LACTB2: variants seen among roughly 807,000 people sequenced by gnomAD.
LACTB2 encodes endoribonuclease LACTB2.
Under a neutral mutation model 34.8 loss-of-function variants are expected in LACTB2, and 32 were observed. That is an observed-to-expected ratio of 0.92 (90% confidence interval 0.69 to 1.24). The LOEUF (loss-of-function observed/expected upper bound fraction) is 1.24, where lower values mean the gene tolerates loss of function less well. LACTB2 is among the 50% of genes most tolerant of loss of function. The pLI is 0.00. For synonymous variants in LACTB2, 120 were observed against 117.5 expected, an observed-to-expected ratio of 1.02 and a Z score of -0.14; for missense variants, 320 against 345.0, an observed-to-expected ratio of 0.93 and a Z score of 0.57.
intron 2 of LACTB2, chr8:70,660,351 T>A (rs984446519): frequency 1.6e-5 from 5 of 304,586 alleles, no homozygotes; most frequent in Non-Finnish European, 3.2e-5. Flanking sequence ...AAAGTCAGAC[T>A]GACAGATTAT....
intron 3 of LACTB2, chr8:70,646,180 C>G (rs371283207): frequency 6.6e-6 from 1 of 152,108 alleles, no homozygotes; most frequent in African/African-American, 2.4e-5. Flanking sequence ...TTTTAATGAT[C>G]GCCATTCTAA....
intron 6 of LACTB2, 92 bp downstream of exon 6, chr8:70,638,456 T>C: frequency 1.5e-6 from 2 of 1,323,468 alleles, no homozygotes; most frequent in Non-Finnish European, 2.0e-6. Flanking sequence ...GGGAGAACTC[T>C]GATGGGTATT....
chr8:70,656,448 C>A (rs1371672367), intron 3 of LACTB2, among the ~76,000 whole-genome samples: 1 of 152,116 alleles, frequency 6.6e-6, no homozygotes, highest in Admixed American at 6.5e-5. Context: ...TGTCCTTTCC[C>A]CACTTTATGG....
At chr8:70,640,837 A>T in intron 5 of LACTB2, 65 bp downstream of exon 5, 1 of 1,399,172 alleles carries the variant, frequency 7.1e-7, no homozygotes, top group East Asian at 2.7e-5. Flanking sequence ...TCATTTCTAT[A>T]GTCTACTAAA....
chr8:70,644,674 C>T (rs1218232157), intron 3 of LACTB2, among the ~76,000 whole-genome samples: 1 of 151,928 alleles, frequency 6.6e-6, no homozygotes, highest in Admixed American at 6.6e-5. Context: ...GAGACAGGAT[C>T]TCACAATATT....
chr8:70,661,038 C>G (rs778215595), intron 2 of LACTB2: 9 of 452,180 alleles, frequency 2.0e-5, no homozygotes, highest in Non-Finnish European at 3.1e-5. Flanking sequence ...CCTTGACCTC[C>G]CAAAGTGCTG....
chr8:70,648,135 G>C (rs55772628), intron 3 of LACTB2, among the ~76,000 whole-genome samples: 1,528 of 152,232 alleles, frequency 0.01, 24 homozygotes, highest in African/African-American at 0.035. Flanking sequence ...CCCAACTGAA[G>C]AGCTCATCCA....
chr8:70,661,734 C>A lies in LACTB2; in HGVS notation c.286G>T (p.Asp96Tyr). The part of the protein sequence containing the change: ...IGDICKSINN[D>Y]TTYCIKKLPR... ...AGCTTAATGAATGTTTTCTGTTTAC[C>A]ATTATTGATGCTTTTACAAATATCT... Residue 96 changes from aspartate (D) to tyrosine (Y), a missense_variant and splice_region_variant, in exon 2 of 7, where the codon GAC becomes TAC. Coordinates refer to ENST00000276590, the MANE Select transcript of LACTB2 (RefSeq NM_016027.3). 1.2e-6 allele frequency: 2 copies of A among 1,604,314 alleles called. No individual in the cohort carries two copies. Among genetic ancestry groups the A allele is most frequent in the South Asian group, 2.3e-5 (2 of 88,816 alleles).
At chr8:70,647,245 CTATA>C (rs1345869149) in intron 3 of LACTB2, among the ~76,000 whole-genome samples, 3 of 151,406 alleles carry the variant, frequency 2.0e-5, no homozygotes, top group Non-Finnish European at 4.4e-5. Flanking sequence ...CTCTATCTAT[CTATA>C]TATATAATTT....
rs9693633 is a variant in LACTB2 at position 70,638,670 on chromosome 8, A to T, written c.742-41T>A. 2.8e-3 allele frequency: 2,541 copies of T among 912,818 alleles called. 9 individuals are homozygous for T. The highest frequency in any genetic ancestry group is 0.01 in the East Asian group (282 of 27,060). 56.5% of individuals were successfully genotyped at this position (912,818 alleles called of 1,614,324 possible). A position where few individuals can be genotyped will look rare whatever the true frequency, so the allele number is the denominator to read the frequency against. ...AGGTGAAAAAAATTCCTTTTTTTTT[A>T]AAAAAAAGAACACAGTTAATTTTTT... is the stretch of plus-strand genomic sequence containing the variant. On this transcript the variant is annotated intron_variant, in intron 5 of 6. Coordinates refer to ENST00000276590, the MANE Select transcript of LACTB2 (RefSeq NM_016027.3).
At chr8:70,644,565 G>A (rs1296129835) in intron 3 of LACTB2, among the ~76,000 whole-genome samples, 2 of 152,022 alleles carry the variant, frequency 1.3e-5, no homozygotes, top group African/African-American at 4.8e-5. Flanking sequence ...TCAATCTTCT[G>A]GGCCCAAGTG....
At chr8:70,644,611 A>C (rs528135761) in intron 3 of LACTB2, among the ~76,000 whole-genome samples, 15 of 152,280 alleles carry the variant, frequency 9.9e-5, no homozygotes, top group African/African-American at 3.6e-4. Context: ...AGCTGGAACC[A>C]CAGGTGTGGG....
intron 4 of LACTB2, among the ~76,000 whole-genome samples, chr8:70,642,299 ATAAATC>A (rs1055838749): frequency 1.3e-5 from 2 of 152,206 alleles, no homozygotes; most frequent in African/African-American, 4.8e-5. Flanking sequence ...ATGTCATCAT[ATAAATC>A]TAAATGCCCA....
chr8:70,639,346 G>C (rs1818166282), intron 5 of LACTB2, among the ~76,000 whole-genome samples: 1 of 151,402 alleles, frequency 6.6e-6, no homozygotes, highest in Admixed American at 6.6e-5. Context: ...TTTTAGTAGA[G>C]ATGGGGTTTC....
In LACTB2 at chr8:70,640,965, T is replaced by A. The variant is rs758605051; in HGVS notation, c.678A>T (p.Thr226=). 1.9e-6 allele frequency: 3 copies of A among 1,609,740 alleles called. No homozygotes were observed. Among genetic ancestry groups the A allele is most frequent in the Non-Finnish European group, 2.5e-6 (3 of 1,178,692 alleles). ...HRNIREQQIL[T]LFRENFEKSF... ...ATTTCTCAAAGTTCTCACGAAATAA[T>A]GTAAGAATTTGCTGCTCTCGAATAT... The change falls in exon 5 of 7, where the codon ACA becomes ACT. Residue 226 remains threonine (T), a synonymous_variant. Coordinates refer to ENST00000276590, the MANE Select transcript of LACTB2 (RefSeq NM_016027.3).
At chr8:70,646,792 G>A (rs1208729708) in intron 3 of LACTB2, 1 of 152,150 alleles carries the variant, frequency 6.6e-6, no homozygotes. Flanking sequence ...GCAATATACA[G>A]ACTTAATTCT....
At chr8:70,668,861 G>GA (rs1437627203) in intron 1 of LACTB2, 138 bp downstream of exon 1, 5 of 1,176,620 alleles carry the variant, frequency 4.2e-6, no homozygotes, top group Non-Finnish European at 5.8e-6. Context: ...GTGCAGTCCC[G>GA]ACGGGGCTGC....
chr8:70,668,749 T>TG (rs1491307285), intron 1 of LACTB2, among the ~76,000 whole-genome samples: 2 of 94,596 alleles, frequency 2.1e-5, no homozygotes, highest in East Asian at 9.6e-4. Flanking sequence ...AAAACAGAAG[T>TG]TTTTTTTTTT....
chr8:70,666,171 C>T (rs1818531304), intron 1 of LACTB2, among the ~76,000 whole-genome samples: 1 of 152,324 alleles, frequency 6.6e-6, no homozygotes. Context: ...GTACAAGGCT[C>T]TGTGCTAGGT....
Sources: gnomAD v4.1 joint callset for allele counts (sites outside exome capture counted in the v4.1 genomes callset) on GRCh38, gnomAD v4.1.1 for gene constraint, MANE v1.5 for transcripts, NCBI Gene and HGNC (gene_info 2026-07-23, HGNC 2026-07-21) for gene names.